Variants in SLC14A2 observed in about 807,000 individuals in gnomAD.
SLC14A2 encodes urea transporter 2.
In SLC14A2, 91 loss-of-function variants were observed where a neutral mutation model predicts 104.6. The observed-to-expected ratio is 0.87, with a 90% CI of 0.73 to 1.04. The LOEUF (loss-of-function observed/expected upper bound fraction) is 1.04, where lower values mean the gene tolerates loss of function less well. SLC14A2 is among the 50% of genes least tolerant of loss of function. SLC14A2 has a pLI of 0.00. For missense variants in SLC14A2, 1,189 were observed against 1,156.0 expected, an observed-to-expected ratio of 1.03 and a Z score of -0.41; for synonymous variants, 476 against 466.4, an observed-to-expected ratio of 1.02 and a Z score of -0.27.
At chr18:45,470,407 CTATT>C (rs2087225439) in intron 1 of SLC14A2, among the ~76,000 whole-genome samples, 1 of 152,070 alleles carries the variant, frequency 6.6e-6, no homozygotes. Flanking sequence ...AATGGAGAAT[CTATT>C]TATTTTGACT....
intron 1 of SLC14A2, among the ~76,000 whole-genome samples, chr18:45,358,777 T>C (rs537307551): frequency 6.6e-6 from 1 of 152,150 alleles, no homozygotes; most frequent in South Asian, 2.1e-4. Context: ...GATGGTGATC[T>C]TGCTATGTTG....
At chr18:45,266,088 G>A (rs1017812676) in intron 1 of SLC14A2, among the ~76,000 whole-genome samples, 2 of 152,150 alleles carry the variant, frequency 1.3e-5, no homozygotes, top group Non-Finnish European at 2.9e-5. Flanking sequence ...GTAAAATGAA[G>A]TGGAGTTCAG....
chr18:45,188,198 A>G, the SLC14A2 span, among the ~76,000 whole-genome samples: 1 of 152,306 alleles, frequency 6.6e-6, no homozygotes, highest in East Asian at 1.9e-4. Flanking sequence ...AACCAAAAAT[A>G]TAGTTTGAAG....
chr18:45,318,200 G>T (rs2085149060), intron 1 of SLC14A2, among the ~76,000 whole-genome samples: 1 of 152,194 alleles, frequency 6.6e-6, no homozygotes, highest in South Asian at 2.1e-4. Context: ...GGCAACAAAG[G>T]CCCAAGGGAC....
rs114125849 is a variant in SLC14A2, at chr18:45,674,104, C to T, written c.2512+287C>T. On this transcript the variant is annotated intron_variant, in intron 18 of 19. Coordinates refer to ENST00000255226, the MANE Select transcript of SLC14A2 (RefSeq NM_007163.4). ...ATTGGGTGATTTACGTCTTCTACAGCGATTCACCTTAAGCATTCAAACATT... is the reference window on the plus strand; with the variant it reads ...ATTGGGTGATTTACGTCTTCTACAGTGATTCACCTTAAGCATTCAAACATT... Among the ~76,000 whole-genome samples, 808 of 152,232 alleles carry T rather than the reference C, an allele frequency of 5.3e-3. 10 individuals carry two copies. The highest frequency in any genetic ancestry group is 0.019 in the African/African-American group (775 of 41,552).
chr18:45,212,462 T>C (rs1167344400), upstream of SLC14A2, among the ~76,000 whole-genome samples: 1 of 152,176 alleles, frequency 6.6e-6, no homozygotes, highest in Non-Finnish European at 1.5e-5. Flanking sequence ...AGTAGGCACC[T>C]CTTGCAGCTG....
At chr18:45,472,728 T>C (rs1161054812) in intron 1 of SLC14A2, among the ~76,000 whole-genome samples, 1 of 152,132 alleles carries the variant, frequency 6.6e-6, no homozygotes, top group Non-Finnish European at 1.5e-5. Context: ...GGGTTGTGTG[T>C]TTTTTTCTTC....
intron 1 of SLC14A2, among the ~76,000 whole-genome samples, chr18:45,231,472 G>A (rs1409776093): frequency 6.6e-6 from 1 of 152,210 alleles, no homozygotes; most frequent in Non-Finnish European, 1.5e-5. Flanking sequence ...CAAATGGGAA[G>A]TACTGTGATT....
At chr18:45,493,879 C>A (rs1010551416) in intron 2 of SLC14A2, among the ~76,000 whole-genome samples, 1 of 152,198 alleles carries the variant, frequency 6.6e-6, no homozygotes, top group African/African-American at 2.4e-5. Context: ...TCACTTGAAA[C>A]TTTGGTGAGA....
At chr18:45,502,916 G>GT (rs1305401201) in intron 2 of SLC14A2, among the ~76,000 whole-genome samples, 6,331 of 142,964 alleles carry the variant, frequency 0.044, 390 homozygotes, top group African/African-American at 0.14. Context: ...CCTATTTCTG[G>GT]TTTTTTTTTT....
At chr18:45,619,477 C>G (rs1439017225) in intron 1 of SLC14A2, among the ~76,000 whole-genome samples, 3 of 152,226 alleles carry the variant, frequency 2.0e-5, no homozygotes, top group Non-Finnish European at 4.4e-5. Context: ...GATGGAGGAG[C>G]TGGTCTGTTT....
In SLC14A2 at chr18:45,368,636, G is replaced by A. The variant is rs545759136; in HGVS notation, c.-124-114597G>A. On this transcript the variant is annotated intron_variant, in intron 1 of 20. Transcript: ENST00000586448. ...ACTTCGCAAATGTCAAAGCTAGAAA[G>A]GTTTGGGGACTCCAGTGTTGAGGTC... is the stretch of plus-strand genomic sequence containing the variant. Among the ~76,000 whole-genome samples, 12 of 152,318 alleles carry A rather than the reference G, an allele frequency of 7.9e-5. No homozygotes were observed. The South Asian group carries it at 2.5e-3, about 32-fold the overall frequency.
At chr18:45,293,293 T>C (rs1321678228) in intron 1 of SLC14A2, among the ~76,000 whole-genome samples, 2 of 152,166 alleles carry the variant, frequency 1.3e-5, no homozygotes, top group Non-Finnish European at 1.5e-5. Context: ...CATGTATTCA[T>C]TCATAAACAC....
chr18:45,197,614 G>T, the SLC14A2 span, among the ~76,000 whole-genome samples: 1 of 152,170 alleles, frequency 6.6e-6, no homozygotes, highest in African/African-American at 2.4e-5. Flanking sequence ...GGCAGCCTCT[G>T]GGAACTTACA....
At chr18:45,295,475 TC>T (rs1420943481) in intron 1 of SLC14A2, among the ~76,000 whole-genome samples, 1 of 152,176 alleles carries the variant, frequency 6.6e-6, no homozygotes, top group East Asian at 1.9e-4. Context: ...TCCATTCTCT[TC>T]CCAGTCTGCA....
At chr18:45,612,096 T>C (rs1348052873), upstream of SLC14A2, among the ~76,000 whole-genome samples, 2 of 152,166 alleles carry the variant, frequency 1.3e-5, no homozygotes, top group African/African-American at 2.4e-5. Context: ...GACATATACA[T>C]AAACAGCAAT....
intron 1 of SLC14A2, among the ~76,000 whole-genome samples, chr18:45,622,835 C>A (rs1290931239): frequency 1.3e-5 from 2 of 152,146 alleles, no homozygotes; most frequent in Non-Finnish European, 2.9e-5. Context: ...TAGCAGAAAG[C>A]AGACTGAGCT....
intron 2 of SLC14A2, among the ~76,000 whole-genome samples, chr18:45,520,142 C>T (rs1450250178): frequency 6.6e-6 from 1 of 152,180 alleles, no homozygotes; most frequent in East Asian, 1.9e-4. Context: ...GATGCTTTAG[C>T]CATATTCTTG....
At chr18:45,536,864 G>A (rs572135246) in intron 2 of SLC14A2, among the ~76,000 whole-genome samples, 2 of 152,292 alleles carry the variant, frequency 1.3e-5, no homozygotes, top group South Asian at 2.1e-4. Context: ...CCTGAAGCTG[G>A]TCTCAGCAGG....
Sources: gnomAD v4.1 joint callset for allele counts (sites outside exome capture counted in the v4.1 genomes callset) on GRCh38, gnomAD v4.1.1 for gene constraint, MANE v1.5 for transcripts, NCBI Gene and HGNC (gene_info 2026-07-23, HGNC 2026-07-21) for gene names.